The following DLGAP1 variants were observed in gnomAD, a reference collection of about 807,000 sequenced individuals.
DLGAP1 encodes DLG associated protein 1, also known as disks large-associated protein 1.
Under a neutral mutation model 90.8 loss-of-function variants are expected in DLGAP1, and 11 were observed. That is an observed-to-expected ratio of 0.12 (90% CI 0.08 to 0.20). The LOEUF is 0.20. Among genes scored for constraint, DLGAP1 ranks in the 10% least tolerant of loss-of-function variants. The probability of loss-of-function intolerance (pLI) is 1.00; values close to 1 mark genes in which losing one functional copy is unlikely to be tolerated. For synonymous variants in DLGAP1, 558 were observed against 540.7 expected, an observed-to-expected ratio of 1.03 and a Z score of -0.44; for missense variants, 1,050 against 1,333.8, an observed-to-expected ratio of 0.79 and a Z score of 3.31.
chr18:3,792,014 C>A (rs893093829), intron 5 of DLGAP1, among the ~76,000 whole-genome samples: 1 of 152,178 alleles, frequency 6.6e-6, no homozygotes, highest in Admixed American at 6.5e-5. Flanking sequence ...CTGGGGACCA[C>A]CCCCCACCCC....
rs377560132 is a variant in DLGAP1 at position 3,534,582 on chromosome 18, C to T, written c.2091G>A (p.Thr697=). The T allele has an allele frequency of 1.4e-5, 22 of 1,605,000 alleles. No homozygotes were observed. The highest frequency in any genetic ancestry group is 9.4e-5 in the African/African-American group (7 of 74,656). The stretch of plus-strand genomic sequence containing the variant: ...AGTCCAGGTCGGCCTGTACTGCTGT[C>T]GTCACACTGTTGGATCGAGTGAACC... ...FRRFTRSNSV[T]TAVQADLDFH... Residue 697 remains threonine, a synonymous_variant, in exon 10 of 13, where the codon ACG becomes ACA. Coordinates refer to ENST00000315677, the MANE Select transcript of DLGAP1 (RefSeq NM_004746.4).
intron 5 of DLGAP1, among the ~76,000 whole-genome samples, chr18:3,765,130 C>CTTTTTTTTTTTTTTTT (rs1212463684): frequency 8.8e-6 from 1 of 113,236 alleles, no homozygotes; most frequent in Non-Finnish European, 1.7e-5. Context: ...TTTTTTTTTT[C>CTTTTTTTTTTTTTTTT]TTTTTTTTTT....
chr18:4,197,281 A>G (rs2077519421), intron 1 of DLGAP1, among the ~76,000 whole-genome samples: 1 of 152,124 alleles, frequency 6.6e-6, no homozygotes, highest in South Asian at 2.1e-4. Flanking sequence ...AATATAGAAA[A>G]AAGTACAGAG....
At chr18:3,749,728 C>T (rs931100692) in intron 5 of DLGAP1, among the ~76,000 whole-genome samples, 24 of 152,042 alleles carry the variant, frequency 1.6e-4, no homozygotes, top group South Asian at 2.1e-4. Flanking sequence ...TCCAGATGTT[C>T]CACAAGTACC....
At chr18:4,054,626 C>T (rs1446077959) in intron 2 of DLGAP1, among the ~76,000 whole-genome samples, 1 of 152,096 alleles carries the variant, frequency 6.6e-6, no homozygotes. Flanking sequence ...CAACTCTTTT[C>T]AATTGGAGTT....
At chr18:4,448,065 C>A (rs980140339) in intron 1 of DLGAP1, among the ~76,000 whole-genome samples, 1 of 152,144 alleles carries the variant, frequency 6.6e-6, no homozygotes, top group Non-Finnish European at 1.5e-5. Flanking sequence ...TGCACCTCCA[C>A]GTCTATGCAA....
At chr18:3,552,203 G>C (rs2053515554) in intron 9 of DLGAP1, among the ~76,000 whole-genome samples, 1 of 152,042 alleles carries the variant, frequency 6.6e-6, no homozygotes, top group Non-Finnish European at 1.5e-5. Flanking sequence ...CCTCATGGAT[G>C]CTTCTTTACT....
chr18:4,367,030 A>AAAAAAAAT (rs71160960), intron 1 of DLGAP1, among the ~76,000 whole-genome samples: 2 of 135,066 alleles, frequency 1.5e-5, no homozygotes, highest in African/African-American at 2.9e-5. Flanking sequence ...AAAAAAAAAA[A>AAAAAAAAT]TCTTGTACTT....
At chr18:4,403,131 G>T (rs1173802862) in intron 1 of DLGAP1, among the ~76,000 whole-genome samples, 1 of 152,026 alleles carries the variant, frequency 6.6e-6, no homozygotes, top group Non-Finnish European at 1.5e-5. Flanking sequence ...TAGAAATGTT[G>T]GCAAAATTTA....
intron 1 of DLGAP1, among the ~76,000 whole-genome samples, chr18:4,171,330 T>C (rs2077020978): frequency 6.6e-6 from 1 of 151,966 alleles, no homozygotes; most frequent in Admixed American, 6.6e-5. Context: ...GGTCAGGAGA[T>C]TGAGACCATC....
intron 4 of DLGAP1, among the ~76,000 whole-genome samples, chr18:3,867,358 A>G (rs3898003): frequency 0.46 from 70,157 of 151,930 alleles, 16,536 homozygotes; most frequent in South Asian, 0.58. Context: ...TCCCTTCCAA[A>G]TTATGTAATA....
At chr18:3,602,519 CGGGAGGCGGAGCTTGCA>C (rs1245149382) in intron 7 of DLGAP1, among the ~76,000 whole-genome samples, 3 of 140,638 alleles carry the variant, frequency 2.1e-5, no homozygotes, top group African/African-American at 8.0e-5. Flanking sequence ...GGCGTGAACC[CGGGAGGCGGAGCTTGCA>C]GGGAGCCGAG....
chr18:4,319,349 T>C (rs916854816), intron 1 of DLGAP1, among the ~76,000 whole-genome samples: 2 of 152,332 alleles, frequency 1.3e-5, no homozygotes, highest in African/African-American at 4.8e-5. Context: ...TATTTTCTTC[T>C]GTATATCCTA....
intron 4 of DLGAP1, among the ~76,000 whole-genome samples, chr18:3,873,833 G>A (rs188738032): frequency 3.3e-5 from 5 of 152,084 alleles, no homozygotes; most frequent in Admixed American, 1.3e-4. Context: ...TCCTGGTCCT[G>A]GAAAACAACC....
At chr18:4,395,160 A>T (rs576307506) in intron 1 of DLGAP1, among the ~76,000 whole-genome samples, 1 of 152,268 alleles carries the variant, frequency 6.6e-6, no homozygotes, top group East Asian at 1.9e-4. Context: ...TAAAAGAAAT[A>T]GCACATTGCA....
rs530173183 is a variant in DLGAP1 at position 3,799,697 on chromosome 18, A to C, written c.1172+14362T>G. Among the ~76,000 whole-genome samples, 69 of 152,206 alleles carry C rather than the reference A, an allele frequency of 4.5e-4. 2 individuals carry two copies. Among genetic ancestry groups the C allele is most frequent in the Non-Finnish European group, 2.8e-4 (19 of 68,014 alleles). ...GTTGCTATGGGCAACCACTTAAATA[A>C]ACTCAGGGAAAGTGTTGGGGAGTGA... On this transcript the variant is annotated intron_variant, in intron 5 of 12. Transcript: ENST00000315677.
intron 1 of DLGAP1, among the ~76,000 whole-genome samples, chr18:4,381,322 G>C (rs1284518688): frequency 6.6e-6 from 1 of 152,122 alleles, no homozygotes; most frequent in Admixed American, 6.6e-5. Context: ...CAACAGTGAA[G>C]TGCATTTACA....
intron 4 of DLGAP1, among the ~76,000 whole-genome samples, chr18:3,840,086 A>G (rs1486354843): frequency 6.6e-6 from 1 of 152,206 alleles, no homozygotes; most frequent in Non-Finnish European, 1.5e-5. Flanking sequence ...TTAGGCACAC[A>G]TATAATATTT....
intron 9 of DLGAP1, among the ~76,000 whole-genome samples, chr18:3,563,473 TG>T (rs1412066679): frequency 2.8e-5 from 1 of 35,972 alleles, no homozygotes; most frequent in Non-Finnish European, 5.5e-5. Flanking sequence ...TTTGTTTTTT[TG>T]GTTTTTTTTT....
Sources: gnomAD v4.1 joint callset for allele counts (sites outside exome capture counted in the v4.1 genomes callset) on GRCh38, gnomAD v4.1.1 for gene constraint, MANE v1.5 for transcripts, NCBI Gene and HGNC (gene_info 2026-07-23, HGNC 2026-07-21) for gene names.